The following ST6GAL1 variants were observed in gnomAD, a reference collection of about 807,000 sequenced individuals.
The protein encoded by ST6GAL1 is ST6 beta-galactoside alpha-2,6-sialyltransferase 1, also known as beta-galactoside alpha-2,6-sialyltransferase 1.
In ST6GAL1, 20 loss-of-function variants were observed where a neutral mutation model predicts 38.0. That is an observed-to-expected ratio of 0.53 (90% CI 0.37 to 0.77). The LOEUF (loss-of-function observed/expected upper bound fraction) is 0.77, where lower values mean the gene tolerates loss of function less well. Among genes scored for constraint, ST6GAL1 ranks in the 30% least tolerant of loss-of-function variants. The pLI is 0.00. For missense variants in ST6GAL1, 432 were observed against 496.4 expected (o/e 0.87, Z 1.23); for synonymous variants, 196 against 188.2 (o/e 1.04, Z -0.34).
chr3:187,053,812 G>A (rs960458933), intron 5 of ST6GAL1, among the ~76,000 whole-genome samples: 1 of 152,166 alleles, frequency 6.6e-6, no homozygotes, highest in Admixed American at 6.5e-5. Flanking sequence ...GAACTTTAAA[G>A]TAGTTTTTTC....
intron 2 of ST6GAL1, among the ~76,000 whole-genome samples, chr3:187,020,126 G>A (rs558483063): frequency 2.0e-5 from 3 of 152,122 alleles, no homozygotes; most frequent in South Asian, 2.1e-4. Context: ...GTGAAACCAC[G>A]TCTCTACTAA....
chr3:187,071,176 TCTTG>T (rs1719357370), intron 5 of ST6GAL1, among the ~76,000 whole-genome samples: 1 of 152,208 alleles, frequency 6.6e-6, no homozygotes, highest in Non-Finnish European at 1.5e-5. Flanking sequence ...TTGTCATGAT[TCTTG>T]CTTTCGTTTC....
rs1719573398 is a variant in ST6GAL1, at chr3:187,076,713, G to A, written c.*910G>A. The A allele has an allele frequency of 2.5e-6, 1 of 397,624 alleles. No homozygotes were observed. The highest frequency in any genetic ancestry group is 2.1e-5 in the African/African-American group (1 of 48,610). 24.6% of individuals were successfully genotyped at this position (397,624 alleles called of 1,614,324 possible). On this transcript the variant is annotated 3_prime_UTR_variant, in exon 8 of 8. Transcript: ENST00000169298. Reference sequence around the variant, plus strand: ...CAAGCAGATTACATCTGAGCCGTTTGAATTGTGTTTTTCTTTCTTCCCATG... The same window carrying A: ...CAAGCAGATTACATCTGAGCCGTTTAAATTGTGTTTTTCTTTCTTCCCATG...
intron 5 of ST6GAL1, among the ~76,000 whole-genome samples, chr3:187,057,593 C>A (rs1217279962): frequency 6.6e-6 from 1 of 152,102 alleles, no homozygotes; most frequent in Non-Finnish European, 1.5e-5. Flanking sequence ...CACTCCAGAC[C>A]CTGTTTGCCT....
intron 2 of ST6GAL1, chr3:186,975,020 G>A (rs1246355061): frequency 6.6e-6 from 1 of 152,382 alleles, no homozygotes; most frequent in Admixed American, 6.5e-5. Flanking sequence ...TCTGGGCTTT[G>A]GCAGGCCTGG....
rs1465818456 is a variant in ST6GAL1 at position 187,069,001 on chromosome 3, CTGT to C, written c.706-3843_706-3841del. Among the ~76,000 whole-genome samples, 12 of 152,336 alleles carry C rather than the reference CTGT, an allele frequency of 7.9e-5. No individual in the cohort carries two copies. In the South Asian group the frequency reaches 2.1e-3, roughly 26 times the overall value. On this transcript the variant is annotated intron_variant, in intron 5 of 7. Coordinates refer to ENST00000169298, the MANE Select transcript of ST6GAL1 (RefSeq NM_173216.2). ...GCCCTTGGACTATAGACCTGAAGGG[CTGT>C]TGTTAAGTTACAACGTTCCCAGTGG...
intron 7 of ST6GAL1, among the ~76,000 whole-genome samples, chr3:187,074,850 T>C (rs1460241970): frequency 6.6e-6 from 1 of 152,138 alleles, no homozygotes; most frequent in African/African-American, 2.4e-5. Flanking sequence ...AGATAAATAA[T>C]ATTTCACTAC....
intron 1 of ST6GAL1, among the ~76,000 whole-genome samples, chr3:186,947,585 C>T (rs1477109512): frequency 1.3e-5 from 2 of 151,936 alleles, no homozygotes; most frequent in East Asian, 1.9e-4. Context: ...TTACATTTAC[C>T]TATAAAATAA....
chr3:187,064,661 A>T (rs1163944958), intron 5 of ST6GAL1: 1 of 455,588 alleles, frequency 2.2e-6, no homozygotes, highest in Admixed American at 2.3e-5. Flanking sequence ...AACACTAAGT[A>T]TCTGGCTGTT....
rs541970608 is a variant in ST6GAL1, at chr3:186,948,589, G to A, written c.-324-15196G>A. On this transcript the variant is annotated intron_variant, in intron 1 of 7. Transcript: ENST00000169298. Reference sequence around the variant, plus strand: ...TGTGTGTCTGTGTGTGTATGTGGTCGTTGGAGAGAGACCCAGGCTATTCCA... The same window carrying A: ...TGTGTGTCTGTGTGTGTATGTGGTCATTGGAGAGAGACCCAGGCTATTCCA... 332 of 152,398 alleles carry A rather than the reference G, an allele frequency of 2.2e-3. 1 individual carries two copies. Among genetic ancestry groups the A allele is most frequent in the African/African-American group, 2.7e-3 (113 of 41,256 alleles). 9.4% of individuals were successfully genotyped at this position (152,398 alleles called of 1,614,324 possible).
In ST6GAL1 at chr3:186,946,483, GT is replaced by G. The variant is rs561311561; in HGVS notation, c.-325+15650del. Among the ~76,000 whole-genome samples, 373 of 152,210 alleles carry G rather than the reference GT, an allele frequency of 2.5e-3. 1 individual carries two copies. Among genetic ancestry groups the G allele is most frequent in the African/African-American group, 8.3e-3 (343 of 41,538 alleles). On this transcript the variant is annotated intron_variant, in intron 1 of 7. Coordinates refer to ENST00000169298, the MANE Select transcript of ST6GAL1 (RefSeq NM_173216.2). ...TGTAGACTCGATCTCCCGGGTTCAA[GT>G]GATCCTCCCGCCGGCCTCCGAAAGT... is the stretch of plus-strand genomic sequence containing the variant.
At chr3:187,024,493 T>TAG (rs61165191) in intron 2 of ST6GAL1, among the ~76,000 whole-genome samples, 1,632 of 85,748 alleles carry the variant, frequency 0.019, 11 homozygotes, top group East Asian at 0.033. Flanking sequence ...TATATATATA[T>TAG]AGAGAGAGAG....
chr3:186,966,564 A>G (rs1464086608), intron 2 of ST6GAL1, among the ~76,000 whole-genome samples: 2 of 152,190 alleles, frequency 1.3e-5, no homozygotes, highest in African/African-American at 4.8e-5. Context: ...CCCGTCGGGG[A>G]ATATCATTCC....
chr3:186,976,243 C>A (rs202060085), intron 2 of ST6GAL1, among the ~76,000 whole-genome samples: 1 of 152,148 alleles, frequency 6.6e-6, no homozygotes, highest in East Asian at 1.9e-4. Context: ...TTACGCTCTC[C>A]TTTTATTCAC....
rs1430164383 is a variant in ST6GAL1 at position 187,043,036 on chromosome 3, G to A, written c.333G>A (p.Lys111=). 1 of 1,614,064 alleles carries A rather than the reference G, an allele frequency of 6.2e-7. No individual in the cohort carries two copies. ...AAAACCTTATCCCTAGGCTGCAAAA[G>A]ATCTGGAAGAATTACCTAAGCATGA... The part of the protein sequence containing the change: ...SSKNLIPRLQ[K]IWKNYLSMNK... The change falls in exon 4 of 8, where the codon AAG becomes AAA. Residue 111 remains lysine, a synonymous_variant. Transcript: ENST00000169298.
At chr3:187,017,187 T>G (rs1178959772) in intron 2 of ST6GAL1, among the ~76,000 whole-genome samples, 2 of 152,138 alleles carry the variant, frequency 1.3e-5, no homozygotes, top group Non-Finnish European at 2.9e-5. Context: ...GTGTGTTGAC[T>G]CATTAACTAT....
chr3:187,037,273 T>C (rs1214887395), intron 2 of ST6GAL1, among the ~76,000 whole-genome samples: 1 of 152,200 alleles, frequency 6.6e-6, no homozygotes, highest in African/African-American at 2.4e-5. Context: ...TAAACTAGTT[T>C]CTCAGTATTC....
intron 5 of ST6GAL1, among the ~76,000 whole-genome samples, chr3:187,066,601 C>T (rs73888348): frequency 0.12 from 18,339 of 148,676 alleles, 1,254 homozygotes; most frequent in Non-Finnish European, 0.15. Flanking sequence ...TGCGTGCGTG[C>T]GTGTGTGTGT....
intron 2 of ST6GAL1, among the ~76,000 whole-genome samples, chr3:187,015,603 C>T (rs562392168): frequency 5.9e-5 from 9 of 152,114 alleles, no homozygotes; most frequent in East Asian, 1.9e-4. Flanking sequence ...TTTGGGAGGC[C>T]GAGGTGGGTG....
Sources: allele counts gnomAD v4.1 joint callset (sites outside exome capture counted in the v4.1 genomes callset), GRCh38; gene constraint gnomAD v4.1.1; transcripts MANE v1.5; gene names NCBI Gene and HGNC (gene_info 2026-07-23, HGNC 2026-07-21).